Variants in FAM193A observed in about 807,000 individuals in gnomAD.
FAM193A encodes protein FAM193A.
In FAM193A, 22 loss-of-function variants were observed where a neutral mutation model predicts 126.5. That is an observed-to-expected ratio of 0.17 (90% CI 0.12 to 0.25). The LOEUF is 0.25. FAM193A is among the 10% of genes least tolerant of loss of function. The pLI, the probability that FAM193A is intolerant of heterozygous loss-of-function variation, is 1.00. For missense variants in FAM193A, 1,675 were observed against 1,672.8 expected (o/e 1.00, Z -0.02); for synonymous variants, 761 against 646.8 (o/e 1.18, Z -2.68).
intron 1 of FAM193A, 52 bp from the exon 2 acceptor site, chr4:2,596,032 C>G: frequency 1.5e-6 from 1 of 660,128 alleles, no homozygotes; most frequent in Non-Finnish European, 2.7e-6. Context: ...TTTTAATATT[C>G]TTGGCTTTGT....
At chr4:2,551,887 CTG>C (rs1360702849) in intron 1 of FAM193A, among the ~76,000 whole-genome samples, 1 of 151,500 alleles carries the variant, frequency 6.6e-6, no homozygotes, top group Admixed American at 6.6e-5. Flanking sequence ...GTCTCCTAGT[CTG>C]GAGTGCTGTG....
intron 1 of FAM193A, among the ~76,000 whole-genome samples, chr4:2,553,443 C>T (rs1168795533): frequency 7.0e-6 from 1 of 142,880 alleles, no homozygotes; most frequent in Non-Finnish European, 1.5e-5. Flanking sequence ...TGCAGTGGTG[C>T]GATTTCGGCT....
At chr4:2,649,679 A>G (rs902091409) in intron 7 of FAM193A, among the ~76,000 whole-genome samples, 3 of 152,154 alleles carry the variant, frequency 2.0e-5, no homozygotes, top group Non-Finnish European at 4.4e-5. Flanking sequence ...CAAAAAATGA[A>G]AAAAATATAT....
chr4:2,691,484 G>C (rs906717208), intron 15 of FAM193A, among the ~76,000 whole-genome samples: 2 of 152,170 alleles, frequency 1.3e-5, no homozygotes, highest in African/African-American at 4.8e-5. Flanking sequence ...GCTGCTTTAG[G>C]AAAATGCTGA....
chr4:2,627,385 A>AAACAGGTGGGTTTC (rs1560494614), intron 4 of FAM193A, among the ~76,000 whole-genome samples: 11 of 137,688 alleles, frequency 8.0e-5, no homozygotes, highest in Non-Finnish European at 1.1e-4. Context: ...GGTCTCTAAC[A>AAACAGGTGGGTTTC]TAATCCACCT....
chr4:2,598,247 C>T (rs955553200), intron 2 of FAM193A, among the ~76,000 whole-genome samples: 3 of 152,210 alleles, frequency 2.0e-5, no homozygotes, highest in Admixed American at 6.5e-5. Flanking sequence ...ACATATACTT[C>T]TGTAACTTGC....
intron 1 of FAM193A, among the ~76,000 whole-genome samples, chr4:2,550,178 G>T (rs1737824345): frequency 6.6e-6 from 1 of 150,722 alleles, no homozygotes; most frequent in Admixed American, 6.6e-5. Flanking sequence ...CTGAGACTGT[G>T]GTGGTGCCAG....
At chr4:2,670,795 T>C (rs1054107014) in intron 12 of FAM193A, among the ~76,000 whole-genome samples, 1 of 152,206 alleles carries the variant, frequency 6.6e-6, no homozygotes, top group Admixed American at 6.5e-5. Context: ...GCTTGTCTCA[T>C]AATTTTTTGT....
intron 1 of FAM193A, among the ~76,000 whole-genome samples, chr4:2,595,048 T>G (rs1461214760): frequency 2.6e-5 from 4 of 151,460 alleles, no homozygotes; most frequent in Non-Finnish European, 5.9e-5. Flanking sequence ...GGCTGGATTT[T>G]TCTTTCTTTT....
At chr4:2,676,315 C>T (rs1026376295) in intron 13 of FAM193A, among the ~76,000 whole-genome samples, 2 of 152,156 alleles carry the variant, frequency 1.3e-5, no homozygotes, top group African/African-American at 4.8e-5. Context: ...TTAATAGTAA[C>T]CATCCTCAAG....
In FAM193A at chr4:2,731,506, C is replaced by T. The variant is rs232724; in HGVS notation, c.4455-269C>T. The stretch of plus-strand genomic sequence containing the variant: ...CTGCCTGGGCCTGATAATTTAAGGG[C>T]GCTCACAGCTCTCAGATTAAACGTT... On this transcript the variant is annotated intron_variant, in intron 20 of 20. Transcript: ENST00000637812. Among the ~76,000 whole-genome samples, 880 of 151,996 alleles carry T rather than the reference C, an allele frequency of 5.8e-3. 8 individuals carry two copies. Among genetic ancestry groups the T allele is most frequent in the African/African-American group, 0.018 (738 of 41,408 alleles).
At chr4:2,671,930 G>A (rs1356866933) in intron 12 of FAM193A, among the ~76,000 whole-genome samples, 191 bp from the exon 13 acceptor site, 3 of 152,156 alleles carry the variant, frequency 2.0e-5, no homozygotes, top group East Asian at 3.8e-4. Context: ...TTCTCTGTGC[G>A]TCTTCTTCAG....
rs568258009 is a variant in FAM193A, at chr4:2,550,529, C to T, written c.255+13359C>T. ...TTGGCTCACTGCAACCTCTGCCTCC[C>T]GGGTTCAAGCGATTCTCCTGCCCCA... On this transcript the variant is annotated intron_variant, in intron 1 of 20. Coordinates refer to ENST00000637812, the MANE Select transcript of FAM193A (RefSeq NM_001366318.2). Among the ~76,000 whole-genome samples the T allele has an allele frequency of 2.0e-3, 303 of 151,562 alleles. 1 individual carries two copies. Among genetic ancestry groups the T allele is most frequent in the African/African-American group, 6.3e-3 (262 of 41,328 alleles).
intron 7 of FAM193A, chr4:2,654,756 G>C (rs905121609): frequency 4.6e-6 from 1 of 218,856 alleles, no homozygotes; most frequent in African/African-American, 2.3e-5. Flanking sequence ...AAAATATATT[G>C]TATTATGGTT....
chr4:2,667,536 T>C (rs1205539048), intron 12 of FAM193A, among the ~76,000 whole-genome samples: 2 of 152,244 alleles, frequency 1.3e-5, no homozygotes, highest in African/African-American at 4.8e-5. Context: ...CCCTGATATA[T>C]TGCCCCTTTT....
chr4:2,699,671 C>T lies in FAM193A; in HGVS notation c.3508-9C>T. On this transcript the variant is annotated splice_polypyrimidine_tract_variant and intron_variant, in intron 18 of 20. Transcript: ENST00000637812. ...GTAGTCTTAAATTGCCTTCTTTTTG[C>T]ATTGGCAGCTGGAGGAGAAAGCTCG... 6.3e-7 allele frequency: 1 copy of T among 1,577,294 alleles called. No individual in the cohort carries two copies. The highest frequency in any genetic ancestry group is 2.0e-5 in the Admixed American group (1 of 49,720).
intron 1 of FAM193A, among the ~76,000 whole-genome samples, chr4:2,581,108 G>A (rs1015954871): frequency 5.4e-5 from 8 of 149,240 alleles, no homozygotes; most frequent in African/African-American, 1.7e-4. Flanking sequence ...CACCCTGGGC[G>A]ATAGAGCAAG....
chr4:2,586,625 C>T (rs1577042282), intron 1 of FAM193A, among the ~76,000 whole-genome samples: 1 of 152,064 alleles, frequency 6.6e-6, no homozygotes. Context: ...TATCCTTGAG[C>T]GGCCAGTACC....
chr4:2,611,998 G>T (rs947277251), intron 2 of FAM193A, among the ~76,000 whole-genome samples: 1 of 151,512 alleles, frequency 6.6e-6, no homozygotes, highest in Non-Finnish European at 1.5e-5. Context: ...CACCATGCCC[G>T]GCTAATTTTT....
Sources: allele counts gnomAD v4.1 joint callset (sites outside exome capture counted in the v4.1 genomes callset), GRCh38; gene constraint gnomAD v4.1.1; transcripts MANE v1.5; gene names NCBI Gene and HGNC (gene_info 2026-07-23, HGNC 2026-07-21).